TIGD4: variants seen among roughly 807,000 people sequenced by gnomAD.
The protein encoded by TIGD4 is tigger transposable element derived 4, also known as tigger transposable element-derived protein 4.
A neutral mutation model predicts 24.9 loss-of-function variants in TIGD4; 20 were observed. The observed-to-expected ratio is 0.80, with a 90% CI of 0.56 to 1.17. TIGD4 has a LOEUF of 1.17. TIGD4 is among the 50% of genes most tolerant of loss of function. TIGD4 has a pLI of 0.00. For synonymous variants in TIGD4, 193 were observed against 211.0 expected, an observed-to-expected ratio of 0.91 and a Z score of 0.74; for missense variants, 566 against 591.0, an observed-to-expected ratio of 0.96 and a Z score of 0.44.
At chr4:152,772,956 C>T (rs541538840) in intron 1 of TIGD4, among the ~76,000 whole-genome samples, 64 of 152,200 alleles carry the variant, frequency 4.2e-4, no homozygotes, top group Admixed American at 6.5e-4. Flanking sequence ...ATGATCTGCC[C>T]GCCTCGGCTG....
rs964798660 is a variant in TIGD4, at chr4:152,770,271, A to G, written c.734T>C (p.Leu245Ser). ...KKRTPHCFKG[L>S]KSLPVCYEAN... ...TTCATAACACACAGGCAATGATTTT[A>G]AACCTTTGAAACAATGTGGAGTTCT... Residue 245 changes from leucine (L) to serine (S), a missense_variant, in exon 2 of 2, where the codon TTA becomes TCA. Physicochemically the swap from Leu to Ser is moderately radical, Grantham distance 145 (BLOSUM62 -2). Coordinates refer to ENST00000304337, the MANE Select transcript of TIGD4 (RefSeq NM_145720.4). The G allele has an allele frequency of 2.5e-6, 4 of 1,614,060 alleles. No homozygotes were observed. Among genetic ancestry groups the G allele is most frequent in the Non-Finnish European group, 3.4e-6 (4 of 1,179,946 alleles).
In TIGD4 at chr4:152,769,515, T is replaced by G. The variant is rs367574043; in HGVS notation, c.1490A>C (p.Asn497Thr). The part of the protein sequence containing the change: ...RSQDMNDGLQ[N>T]SLADLENFIN... ...AAAATTTTCAAGGTCTGCTAAAGAA[T>G]TTTGAAGTCCGTCATTCATATCTTG... The change falls in exon 2 of 2, where the codon AAT (asparagine) becomes ACT (threonine). Residue 497 changes from asparagine (N) to threonine (T), a missense_variant. Asn to Thr is a moderately conservative substitution (Grantham distance 65). Coordinates refer to ENST00000304337, the MANE Select transcript of TIGD4 (RefSeq NM_145720.4). 2.1e-5 allele frequency: 34 copies of G among 1,587,316 alleles called. No individual in the cohort carries two copies. Among genetic ancestry groups the G allele is most frequent in the Non-Finnish European group, 2.7e-5 (32 of 1,169,120 alleles).
chr4:152,769,984 A>G lies in TIGD4; in HGVS notation c.1021T>C (p.Ser341Pro), dbSNP rs187128300. ...RHCLIKKFLS[S>P]VEGSKEFTFS... is the part of the protein sequence containing the mutation. Reference sequence around the variant, plus strand: ...GTAAATTCTTTGCTACCTTCAACAGAGCTTAAAAATTTCTTGATAAGACAG... The same window carrying G: ...GTAAATTCTTTGCTACCTTCAACAGGGCTTAAAAATTTCTTGATAAGACAG... Residue 341 changes from serine (S) to proline (P), a missense_variant, in exon 2 of 2, where the codon TCT becomes CCT. Coordinates refer to ENST00000304337, the MANE Select transcript of TIGD4 (RefSeq NM_145720.4). 21 of 1,610,308 alleles carry G rather than the reference A, an allele frequency of 1.3e-5. No homozygotes were observed. In the Admixed American group the frequency reaches 2.5e-4, roughly 19 times the overall value.
chr4:152,770,386 C>T lies in TIGD4; in HGVS notation c.619G>A (p.Gly207Arg). The change falls in exon 2 of 2, where the codon GGA becomes AGA. Residue 207 changes from glycine (G) to arginine (R), a missense_variant. Coordinates refer to ENST00000304337, the MANE Select transcript of TIGD4 (RefSeq NM_145720.4). ...FAFKGETCSV[G>R]KLCKDRITLV... The stretch of plus-strand genomic sequence containing the variant: ...GTTATTCTGTCTTTGCATAACTTTC[C>T]AACTGAACATGTTTCGCCTTTAAAT... 6.2e-7 allele frequency: 1 copy of T among 1,614,106 alleles called. No homozygotes were observed. The highest frequency in any genetic ancestry group is 2.2e-5 in the East Asian group (1 of 44,878).
intron 1 of TIGD4, among the ~76,000 whole-genome samples, chr4:152,774,917 ATTTT>A (rs35363005): frequency 6.9e-6 from 1 of 145,294 alleles, no homozygotes; most frequent in Admixed American, 6.9e-5. Flanking sequence ...TATATCAAGG[ATTTT>A]TTTTTTTTTT....
At position 152,770,564 on chromosome 4, in the gene TIGD4, T is replaced by A; in HGVS notation, c.441A>T (p.Gln147His). 1.9e-6 allele frequency: 3 copies of A among 1,612,264 alleles called. No homozygotes were observed. The highest frequency in any genetic ancestry group is 1.7e-6 in the Non-Finnish European group (2 of 1,179,020). The part of the protein sequence containing the change: ...KSRYGLVFRA[Q>H]PVEATGVPVD... ...CTGGTACACCTGTAGCTTCTACAGG[T>A]TGAGCTCTGAATACTAAACCATACC... is the stretch of plus-strand genomic sequence containing the variant. Residue 147 changes from glutamine to histidine, a missense_variant, in exon 2 of 2, where the codon CAA becomes CAT. Transcript: ENST00000304337.
Position 152,770,130 on chromosome 4 carries a change from G to A in TIGD4, c.875C>T (p.Ala292Val), listed in dbSNP as rs200647678. 4.3e-6 allele frequency: 7 copies of A among 1,614,066 alleles called. No individual in the cohort carries two copies. The East Asian group carries it at 1.3e-4, about 31-fold the overall frequency. ...TTTTAGGTTCTTTACCTCTGGATGT[G>A]CTGGAAAAGACTCAACAAAAATCAC... ...RVVIFVESFPAHPEVKNLKSI... is the reference protein window; with the variant it reads ...RVVIFVESFPVHPEVKNLKSI... The change falls in exon 2 of 2, where the codon GCA becomes GTA. Residue 292 changes from alanine (A) to valine (V), a missense_variant. Transcript: ENST00000304337.
At chr4:152,777,528 G>A (rs1730278565) in intron 1 of TIGD4, among the ~76,000 whole-genome samples, 1 of 149,992 alleles carries the variant, frequency 6.7e-6, no homozygotes, top group African/African-American at 2.5e-5. Flanking sequence ...AAGGGAGGGA[G>A]GGAGGAAGGA....
Position 152,770,352 on chromosome 4 carries a change from A to C in TIGD4, c.653T>G (p.Val218Gly). The C allele has an allele frequency of 6.2e-7, 1 of 1,614,120 alleles. No individual in the cohort carries two copies. The highest frequency in any genetic ancestry group is 1.6e-4 in the Middle Eastern group (1 of 6,062). ...KLCKDRITLV[V>G]GTNMDGSEKL... Reference sequence around the variant, plus strand: ...CTCTGAGCCATCCATGTTTGTGCCAACCACCAGAGTTATTCTGTCTTTGCA... The same window carrying C: ...CTCTGAGCCATCCATGTTTGTGCCACCCACCAGAGTTATTCTGTCTTTGCA... Residue 218 changes from valine to glycine, a missense_variant, in exon 2 of 2, where the codon GTT (valine) becomes GGT (glycine). Physicochemically the swap from Val to Gly is moderately radical, Grantham distance 109. Coordinates refer to ENST00000304337, the MANE Select transcript of TIGD4 (RefSeq NM_145720.4).
chr4:152,779,142 G>A (rs1448950713), intron 1 of TIGD4, among the ~76,000 whole-genome samples: 6 of 152,170 alleles, frequency 3.9e-5, no homozygotes, highest in African/African-American at 9.7e-5. Context: ...GGCTCTGAGA[G>A]AGCGAATTGT....
In TIGD4 at chr4:152,770,808, G is replaced by T. The variant is rs762254717; in HGVS notation, c.197C>A (p.Ala66Asp). The change falls in exon 2 of 2, where the codon GCC (alanine) becomes GAC (aspartate). Residue 66 changes from alanine (A) to aspartate (D), a missense_variant. Transcript: ENST00000304337. Reference protein sequence around the residue: ...IMKNKDKVLEAFESLRFDPKR... With the variant: ...IMKNKDKVLEDFESLRFDPKR... ...TGGATCAAATCTTAGAGATTCAAAG[G>T]CTTCTAGAACTTTGTCTTTATTCTT... 4 of 1,611,380 alleles carry T rather than the reference G, an allele frequency of 2.5e-6. No individual in the cohort carries two copies. Among genetic ancestry groups the T allele is most frequent in the East Asian group, 2.2e-5 (1 of 44,882 alleles).
chr4:152,772,483 T>G (rs763895590), intron 1 of TIGD4, among the ~76,000 whole-genome samples: 18 of 152,334 alleles, frequency 1.2e-4, no homozygotes, highest in Admixed American at 7.2e-4. Flanking sequence ...CTACAGCACC[T>G]ATCTCATTAT....
At chr4:152,777,234 A>G (rs1268597900) in intron 1 of TIGD4, among the ~76,000 whole-genome samples, 1 of 152,178 alleles carries the variant, frequency 6.6e-6, no homozygotes, top group African/African-American at 2.4e-5. Flanking sequence ...GACTTCATTG[A>G]GTATGCCACA....
intron 1 of TIGD4, among the ~76,000 whole-genome samples, chr4:152,775,650 G>A (rs577382751): frequency 6.6e-6 from 1 of 152,318 alleles, no homozygotes; most frequent in East Asian, 1.9e-4. Context: ...TCCTCCTGTA[G>A]AGTCTCTTTC....
At position 152,770,762 on chromosome 4, in the gene TIGD4, A is replaced by T. The variant is rs749206195; in HGVS notation, c.243T>A (p.Thr81=). ...RFDPKRKRLR[T]AFYTDLEEAL... ...CCTCTTCCAGATCTGTGTAAAAAGC[A>T]GTTCTCAGTCTTTTTCTCTTTGGAT... The change falls in exon 2 of 2, where the codon ACT becomes ACA. Residue 81 remains threonine, a synonymous_variant. Transcript: ENST00000304337. 1 of 1,612,734 alleles carries T rather than the reference A, an allele frequency of 6.2e-7. No homozygotes were observed. Among genetic ancestry groups the T allele is most frequent in the Non-Finnish European group, 8.5e-7 (1 of 1,179,646 alleles).
Position 152,770,877 on chromosome 4 carries a change from G to T in TIGD4, c.128C>A (p.Ala43Asp). The T allele has an allele frequency of 6.2e-7, 1 of 1,613,834 alleles. No individual in the cohort carries two copies. Among genetic ancestry groups the T allele is most frequent in the Non-Finnish European group, 8.5e-7 (1 of 1,179,894 alleles). Reference sequence around the variant, plus strand: ...ATTTTTCTTTATTCCATATTCAGCAGCAATCTCTGCTTTTTTCTTGCCACT... The same window carrying T: ...ATTTTTCTTTATTCCATATTCAGCATCAATCTCTGCTTTTTTCTTGCCACT... ...VESGKKKAEI[A>D]AEYGIKKNSL... Residue 43 changes from alanine to aspartate, a missense_variant, in exon 2 of 2, where the codon GCT becomes GAT. Physicochemically the swap from Ala to Asp is moderately radical, Grantham distance 126. Coordinates refer to ENST00000304337, the MANE Select transcript of TIGD4 (RefSeq NM_145720.4).
At chr4:152,774,840 T>C (rs916893394) in intron 1 of TIGD4, among the ~76,000 whole-genome samples, 2 of 152,096 alleles carry the variant, frequency 1.3e-5, no homozygotes, top group East Asian at 3.8e-4. Flanking sequence ...AATACGCTTA[T>C]GGAGGGCAAA....
intron 1 of TIGD4, among the ~76,000 whole-genome samples, chr4:152,775,720 T>A (rs1334916182): frequency 6.6e-6 from 1 of 152,238 alleles, no homozygotes; most frequent in East Asian, 1.9e-4. Context: ...TCTCTGTTCT[T>A]AAAGTGCTCA....
Position 152,769,463 on chromosome 4 carries a change from T to G in TIGD4, c.*3A>C. ...TATTACTCTTTAGATGTACAATACA[T>G]AGTTACTTAGGTGATAAAGAGTTAA... On this transcript the variant is annotated 3_prime_UTR_variant, in exon 2 of 2. Coordinates refer to ENST00000304337, the MANE Select transcript of TIGD4 (RefSeq NM_145720.4). The G allele has an allele frequency of 6.7e-7, 1 of 1,503,326 alleles. No individual in the cohort carries two copies. Among genetic ancestry groups the G allele is most frequent in the Non-Finnish European group, 9.0e-7 (1 of 1,115,682 alleles). The allele number at this position is 1,503,326 out of a possible 1,614,324, so 93.1% of individuals were successfully genotyped here. A position where few individuals can be genotyped will look rare whatever the true frequency, so the allele number is the denominator to read the frequency against.
Sources: allele counts gnomAD v4.1 joint callset (sites outside exome capture counted in the v4.1 genomes callset), GRCh38; gene constraint gnomAD v4.1.1; transcripts MANE v1.5; gene names NCBI Gene and HGNC (gene_info 2026-07-23, HGNC 2026-07-21).